POLQ: variants seen among roughly 807,000 people sequenced by gnomAD.
The protein encoded by POLQ is DNA polymerase theta.
Under a neutral mutation model 259.2 loss-of-function variants are expected in POLQ, and 233 were observed. The observed-to-expected ratio is 0.90, with a 90% CI of 0.81 to 1.00. POLQ has a LOEUF of 1.00. Among genes scored for constraint, POLQ ranks in the 50% least tolerant of loss-of-function variants. The pLI is 0.00. For synonymous variants in POLQ, 1,025 were observed against 1,048.8 expected (o/e 0.98, Z 0.44); for missense variants, 2,871 against 3,051.6 (o/e 0.94, Z 1.39).
chr3:121,511,010 G>C (rs1284968082), intron 10 of POLQ, among the ~76,000 whole-genome samples: 3 of 151,902 alleles, frequency 2.0e-5, no homozygotes, highest in Non-Finnish European at 4.4e-5. Context: ...GGCGGATCAC[G>C]AGGTCAGGAG....
intron 12 of POLQ, among the ~76,000 whole-genome samples, chr3:121,508,324 T>C (rs1002901664): frequency 1.3e-5 from 2 of 152,186 alleles, no homozygotes; most frequent in African/African-American, 4.8e-5. Flanking sequence ...ATAATGTTTA[T>C]GGGAGAATTT....
rs765591013 is a variant in POLQ at position 121,490,403 on chromosome 3, C to A, written c.2528G>T (p.Arg843Leu). ...LKNAVPFKSA[R>L]KAVDEEEEAV... ...TTCCTCTTCCTCATCCACTGCCTTC[C>A]GGGCACTACACAAGGAGATGGGAAA... Residue 843 changes from arginine to leucine, a missense_variant, in exon 16 of 30, where the codon CGG becomes CTG. Coordinates refer to ENST00000264233, the MANE Select transcript of POLQ (RefSeq NM_199420.4). 22 of 1,613,262 alleles carry A rather than the reference C, an allele frequency of 1.4e-5. No homozygotes were observed. Among genetic ancestry groups the A allele is most frequent in the Non-Finnish European group, 1.9e-5 (22 of 1,179,280 alleles).
chr3:121,494,124 G>C (rs980955723), intron 14 of POLQ: 2 of 751,338 alleles, frequency 2.7e-6, no homozygotes, highest in African/African-American at 3.5e-5. Flanking sequence ...CGAAAGGAAA[G>C]AAGGCCAAGG....
At chr3:121,528,770 T>C (rs958898452) in intron 7 of POLQ, among the ~76,000 whole-genome samples, 5 of 152,218 alleles carry the variant, frequency 3.3e-5, no homozygotes, top group African/African-American at 7.2e-5. Flanking sequence ...TTGGCTAACA[T>C]GGTGAAACCT....
rs1227498318 is a variant in POLQ at position 121,483,482 on chromosome 3, T to G, written c.5874A>C (p.Lys1958Asn). The change falls in exon 18 of 30, where the codon AAA becomes AAC. Residue 1958 changes from lysine to asparagine, a missense_variant. Transcript: ENST00000264233. ...LQSCLRKESD[K>N]ECSVVIYDFI... ...AGTCATAGATGACAACAGAACATTCTTTATCAGATTCCTTTCGCAAGCAAG... is the reference window on the plus strand; with the variant it reads ...AGTCATAGATGACAACAGAACATTCGTTATCAGATTCCTTTCGCAAGCAAG... 5 of 1,609,146 alleles carry G rather than the reference T, an allele frequency of 3.1e-6. No homozygotes were observed. The highest frequency in any genetic ancestry group is 4.2e-6 in the Non-Finnish European group (5 of 1,178,126).
In POLQ at chr3:121,487,326, T is replaced by C. The variant is rs1204037909; in HGVS notation, c.5605A>G (p.Thr1869Ala). 7 of 1,594,530 alleles carry C rather than the reference T, an allele frequency of 4.4e-6. No homozygotes were observed. The highest frequency in any genetic ancestry group is 1.1e-5 in the South Asian group (1 of 87,194). The change falls in exon 16 of 30, where the codon ACT (threonine) becomes GCT (alanine). Residue 1869 changes from threonine to alanine, a missense_variant. This residue lies in a region of POLQ where 2,080 missense variants were observed against 2,126.0 expected (regional missense o/e 0.98). Coordinates refer to ENST00000264233, the MANE Select transcript of POLQ (RefSeq NM_199420.4). Reference sequence around the variant, plus strand: ...CCTTGCTTAAACCTACTGCCAATAGTAGCAGTTTTAGAAGATGTCAAACTT... The same window carrying C: ...CCTTGCTTAAACCTACTGCCAATAGCAGCAGTTTTAGAAGATGTCAAACTT... ...IRSLTSSKTA[T>A]IGSRFKQASS...
chr3:121,510,802 T>A (rs867345806), intron 10 of POLQ, among the ~76,000 whole-genome samples: 18 of 151,478 alleles, frequency 1.2e-4, no homozygotes, highest in Non-Finnish European at 1.5e-4. Context: ...GAAAAATAAG[T>A]GGGCCAGGCA....
chr3:121,536,378 A>T (rs982261842), intron 5 of POLQ, among the ~76,000 whole-genome samples: 8 of 152,174 alleles, frequency 5.3e-5, no homozygotes, highest in African/African-American at 1.9e-4. Flanking sequence ...TCTGAAATTT[A>T]AAAAATTAAG....
At chr3:121,470,005 C>A (rs1161745035) in intron 22 of POLQ, among the ~76,000 whole-genome samples, 2 of 152,092 alleles carry the variant, frequency 1.3e-5, no homozygotes, top group Non-Finnish European at 2.9e-5. Context: ...ATGTGCAACA[C>A]CATTGAAAAT....
At chr3:121,536,630 T>C (rs549679283) in intron 5 of POLQ, among the ~76,000 whole-genome samples, 1 of 152,230 alleles carries the variant, frequency 6.6e-6, no homozygotes, top group African/African-American at 2.4e-5. Flanking sequence ...CTAAAATCAG[T>C]TGCAACCTGA....
chr3:121,495,610 C>T (rs770111630), intron 14 of POLQ, among the ~76,000 whole-genome samples: 3 of 151,564 alleles, frequency 2.0e-5, no homozygotes, highest in Non-Finnish European at 2.9e-5. Context: ...TTTAGGAGGC[C>T]GAGGCGGGTG....
chr3:121,455,719 C>T (rs575503221), intron 25 of POLQ, among the ~76,000 whole-genome samples: 24 of 152,202 alleles, frequency 1.6e-4, no homozygotes, highest in African/African-American at 5.3e-4. Flanking sequence ...CAATAACAGG[C>T]TCTGAAATTG....
At position 121,432,423 on chromosome 3, in the gene POLQ, G is replaced by GA. The variant is rs3836217; in HGVS notation, c.7660-7dup. 8.5e-3 allele frequency: 11,834 copies of GA among 1,386,226 alleles called. 54 individuals carry two copies. Among genetic ancestry groups the GA allele is most frequent in the East Asian group, 0.032 (1,229 of 38,254 alleles). The allele number at this position is 1,386,226 out of a possible 1,614,324, so 85.9% of individuals were successfully genotyped here. On this transcript the variant is annotated splice_polypyrimidine_tract_variant and splice_region_variant and intron_variant, in intron 29 of 29. Coordinates refer to ENST00000264233, the MANE Select transcript of POLQ (RefSeq NM_199420.4). ...TTCTTGACAATCTGAGCTACCTAAG[G>GA]AAAAAAAAAATGTAGTTAACAAACT...
In POLQ at chr3:121,485,058, T is replaced by C; in HGVS notation, c.5756A>G (p.Lys1919Arg). Reference sequence around the variant, plus strand: ...TTACTTACCAGAATGCTTTTGTTCCTTCTGCAGTGAAAAATAATAGGCATC... The same window carrying C: ...TTACTTACCAGAATGCTTTTGTTCCCTCTGCAGTGAAAAATAATAGGCATC... ...GRDAYYFSLQ[K>R]EQKHSEISAS... The change falls in exon 17 of 30, where the codon AAG (lysine) becomes AGG (arginine). Residue 1919 changes from lysine to arginine, a missense_variant. Around this residue, in one of 3 missense-constraint regions of POLQ, gnomAD observed 2,080 missense variants for 2,126.0 expected, o/e 0.98. Coordinates refer to ENST00000264233, the MANE Select transcript of POLQ (RefSeq NM_199420.4). 1 of 1,612,408 alleles carries C rather than the reference T, an allele frequency of 6.2e-7. No homozygotes were observed. The highest frequency in any genetic ancestry group is 2.2e-5 in the East Asian group (1 of 44,808).
chr3:121,434,558 T>G (rs939692364), intron 28 of POLQ, among the ~76,000 whole-genome samples: 7 of 152,212 alleles, frequency 4.6e-5, no homozygotes, highest in African/African-American at 1.4e-4. Flanking sequence ...TGTGTGTGTA[T>G]ATACACACAT....
At chr3:121,469,216 C>G (rs897731227) in intron 22 of POLQ, among the ~76,000 whole-genome samples, 1 of 150,414 alleles carries the variant, frequency 6.6e-6, no homozygotes, top group African/African-American at 2.4e-5. Flanking sequence ...GCTTATAAAG[C>G]CTTTATTTCC....
intron 19 of POLQ, among the ~76,000 whole-genome samples, chr3:121,479,312 G>T (rs1161701589): frequency 6.7e-6 from 1 of 148,266 alleles, no homozygotes; most frequent in Non-Finnish European, 1.5e-5. Context: ...AAGAGTTTGA[G>T]ACCAGCCTGG....
chr3:121,509,875 T>C lies in POLQ; in HGVS notation c.1816+164A>G, dbSNP rs530028200. 3.8e-4 allele frequency among the ~76,000 whole-genome samples: 58 copies of C among 152,346 alleles called. 1 individual carries two copies. Among genetic ancestry groups the C allele is most frequent in the Admixed American group, 1.1e-3 (17 of 15,302 alleles). ...CAGGCTCTATCATAATGGTCTGAAG[T>C]TGCTAAATACAATACTGATTTACTA... On this transcript the variant is annotated intron_variant, in intron 11 of 29. Coordinates refer to ENST00000264233, the MANE Select transcript of POLQ (RefSeq NM_199420.4).
chr3:121,444,578 T>C (rs1003366259), intron 26 of POLQ, among the ~76,000 whole-genome samples: 1 of 152,192 alleles, frequency 6.6e-6, no homozygotes, highest in Non-Finnish European at 1.5e-5. Context: ...AGTGTGGATG[T>C]CCTTTATTTC....
Sources: allele counts gnomAD v4.1 joint callset (sites outside exome capture counted in the v4.1 genomes callset), GRCh38; gene constraint gnomAD v4.1.1; regional missense constraint gnomAD v4.1.1; transcripts MANE v1.5; gene names NCBI Gene and HGNC (gene_info 2026-07-23, HGNC 2026-07-21).